Variants in EVC observed in about 807,000 individuals in gnomAD.
The protein encoded by EVC is evC complex member EVC.
A neutral mutation model predicts 118.9 loss-of-function variants in EVC; 116 were observed. The observed-to-expected ratio is 0.98, with a 90% CI of 0.84 to 1.14. The LOEUF (loss-of-function observed/expected upper bound fraction) is 1.14, where lower values mean the gene tolerates loss of function less well. Ranked by LOEUF, EVC falls within the 50% of genes most tolerant of loss-of-function variation. EVC has a pLI of 0.00. For missense variants in EVC, 1,401 were observed against 1,246.4 expected (o/e 1.12, Z -1.87); for synonymous variants, 619 against 534.7 (o/e 1.16, Z -2.18).
At chr4:5,808,715 C>T (rs768378722) in intron 18 of EVC, among the ~76,000 whole-genome samples, 17 of 152,354 alleles carry the variant, frequency 1.1e-4, no homozygotes, top group African/African-American at 1.9e-4. Flanking sequence ...AAAGTTTACA[C>T]TTTATTTACA....
chr4:5,820,216 A>G, the EVC span, among the ~76,000 whole-genome samples: 1 of 152,292 alleles, frequency 6.6e-6, no homozygotes, highest in Non-Finnish European at 1.5e-5. Flanking sequence ...CTATCAGCCC[A>G]TGTATTTGTT....
chr4:5,724,327 TGGATGTGGGGACTTG>T (rs1009887717), intron 2 of EVC, among the ~76,000 whole-genome samples: 16 of 152,202 alleles, frequency 1.1e-4, no homozygotes, highest in African/African-American at 3.9e-4. Context: ...GGTGGTCGGT[TGGATGTGGGGACTTG>T]GGATGTGGGA....
At chr4:5,820,329 A>T in the EVC span, among the ~76,000 whole-genome samples, 3 of 136,810 alleles carry the variant, frequency 2.2e-5, no homozygotes, top group African/African-American at 3.5e-5. Flanking sequence ...CACCACCATC[A>T]TTGTCATCAC....
At chr4:5,758,984 AC>A (rs1161450568) in intron 11 of EVC, among the ~76,000 whole-genome samples, 1 of 151,926 alleles carries the variant, frequency 6.6e-6, no homozygotes, top group Non-Finnish European at 1.5e-5. Context: ...GCCTTGACTT[AC>A]CGGGGAAACT....
chr4:5,731,708 G>A lies in EVC; in HGVS notation c.617+51G>A. 1 of 1,514,982 alleles carries A rather than the reference G, an allele frequency of 6.6e-7. No homozygotes were observed. Among genetic ancestry groups the A allele is most frequent in the Non-Finnish European group, 9.1e-7 (1 of 1,103,354 alleles). The allele number at this position is 1,514,982 out of a possible 1,614,324, so 93.8% of individuals were successfully genotyped here. A position where few individuals can be genotyped will look rare whatever the true frequency, so the allele number is the denominator to read the frequency against. ...GAGGCTTCCAGTCCTCTTGGAGTGG[G>A]CCGGGAGTCACATCATTGTCAGAGG... On this transcript the variant is annotated intron_variant, in intron 4 of 20. Transcript: ENST00000264956. The surrounding 1 kb of genome is among the most constrained non-coding windows in gnomAD (Gnocchi z 5.6).
chr4:5,796,555 G>A (rs1167258012), intron 13 of EVC, among the ~76,000 whole-genome samples: 10 of 152,042 alleles, frequency 6.6e-5, no homozygotes, highest in Non-Finnish European at 8.8e-5. Context: ...AGCCTGGAGC[G>A]TTTGCCAGCC....
intron 13 of EVC, among the ~76,000 whole-genome samples, chr4:5,795,629 G>A (rs1713803217): frequency 6.6e-6 from 1 of 152,162 alleles, no homozygotes; most frequent in Non-Finnish European, 1.5e-5. Context: ...TCCAGCCTGG[G>A]CTACAGAGTG....
intron 5 of EVC, among the ~76,000 whole-genome samples, chr4:5,740,775 A>G (rs1469347546): frequency 6.6e-6 from 1 of 152,224 alleles, no homozygotes; most frequent in Non-Finnish European, 1.5e-5. Context: ...GAAAATGGGA[A>G]GGACATGAAC....
the EVC span, among the ~76,000 whole-genome samples, chr4:5,824,132 G>A: frequency 6.6e-6 from 1 of 152,164 alleles, no homozygotes; most frequent in Non-Finnish European, 1.5e-5. Context: ...AGGATTTTCT[G>A]TCCATGTTTA....
chr4:5,729,162 G>T (rs1726374179), intron 2 of EVC, 145 bp from the exon 3 acceptor site: 1 of 748,422 alleles, frequency 1.3e-6, no homozygotes, highest in Admixed American at 2.0e-5. Context: ...TGGCAAGGAA[G>T]AGCTAATATG....
intron 6 of EVC, among the ~76,000 whole-genome samples, chr4:5,744,455 G>T (rs1050916656): frequency 6.6e-6 from 1 of 152,192 alleles, no homozygotes; most frequent in Non-Finnish European, 1.5e-5. Flanking sequence ...CTTGGGGTTT[G>T]TGAGTCTATA....
chr4:5,743,654 C>T lies in EVC; in HGVS notation c.802-1550C>T, dbSNP rs1728943824. ...GTTTCTTCTTTACTCCACTGGATTC[C>T]ATGAGGAAGGATGACTCACTGCATC... On this transcript the variant is annotated intron_variant, in intron 6 of 20. Transcript: ENST00000264956. This position sits in a 1 kb window ranked among gnomAD's most constrained non-coding sequence, Gnocchi z 4.7. Among the ~76,000 whole-genome samples the T allele has an allele frequency of 6.6e-6, 1 of 152,120 alleles. No homozygotes were observed. Among genetic ancestry groups the T allele is most frequent in the African/African-American group, 2.4e-5 (1 of 41,412 alleles).
intron 12 of EVC, among the ~76,000 whole-genome samples, chr4:5,788,333 T>G (rs1243149917): frequency 6.6e-6 from 1 of 152,216 alleles, no homozygotes; most frequent in Admixed American, 6.5e-5. Context: ...AAGGCTTCAC[T>G]GGAGAAGAGT....
intron 2 of EVC, among the ~76,000 whole-genome samples, chr4:5,725,988 G>A (rs189460598): frequency 2.2e-4 from 34 of 152,322 alleles, no homozygotes; most frequent in African/African-American, 7.9e-4. Context: ...CCCCTGGTGT[G>A]GAGTGTCCCT....
chr4:5,724,319 T>C (rs1440951547), intron 2 of EVC, among the ~76,000 whole-genome samples: 4 of 152,284 alleles, frequency 2.6e-5, no homozygotes, highest in Admixed American at 1.3e-4. Flanking sequence ...ATGGGATTGG[T>C]GGTCGGTTGG....
downstream of EVC, among the ~76,000 whole-genome samples, chr4:5,815,826 C>A (rs1001000301): frequency 7.2e-5 from 11 of 152,166 alleles, no homozygotes; most frequent in Admixed American, 2.0e-4. Context: ...CGGCCACATG[C>A]CACCTGGCAT....
chr4:5,800,906 A>G (rs192392657), intron 15 of EVC, among the ~76,000 whole-genome samples: 2 of 152,282 alleles, frequency 1.3e-5, no homozygotes, highest in Admixed American at 1.3e-4. Context: ...CTGTGGTGAG[A>G]GTAAGTGGGT....
chr4:5,730,281 T>C lies in EVC; in HGVS notation c.384+891T>C, dbSNP rs192655922. On this transcript the variant is annotated intron_variant, in intron 3 of 20. Coordinates refer to ENST00000264956, the MANE Select transcript of EVC (RefSeq NM_153717.3). ...CAACATGTTAGGATCTTGTCAATTA[T>C]TATTTGCTTTTGAAGACACCCAAAG... Among the ~76,000 whole-genome samples the C allele has an allele frequency of 2.3e-3, 353 of 152,274 alleles. 1 individual carries two copies. The highest frequency in any genetic ancestry group is 8.2e-3 in the African/African-American group (340 of 41,564).
intron 15 of EVC, among the ~76,000 whole-genome samples, chr4:5,800,994 A>G (rs1002816447): frequency 5.3e-5 from 8 of 152,214 alleles, no homozygotes; most frequent in Non-Finnish European, 1.0e-4. Flanking sequence ...GCTTTTGCCC[A>G]TCCTCTTATG....
Sources: allele counts gnomAD v4.1 joint callset (sites outside exome capture counted in the v4.1 genomes callset), GRCh38; gene constraint gnomAD v4.1.1; non-coding constraint Gnocchi (gnomAD v3.1); transcripts MANE v1.5; gene names NCBI Gene and HGNC (gene_info 2026-07-23, HGNC 2026-07-21).